SORCS2: variants seen among roughly 807,000 people sequenced by gnomAD.
The protein encoded by SORCS2 is VPS10 domain-containing receptor SorCS2.
A neutral mutation model predicts 141.6 loss-of-function variants in SORCS2; 100 were observed. That is an observed-to-expected ratio of 0.71 (90% confidence interval 0.60 to 0.83). SORCS2 has a LOEUF of 0.83. Ranked by LOEUF, SORCS2 falls within the 40% of genes least tolerant of loss-of-function variation. The probability of loss-of-function intolerance (pLI) is 0.00; values close to 1 mark genes in which losing one functional copy is unlikely to be tolerated. For missense variants in SORCS2, 1,646 were observed against 1,560.2 expected, an observed-to-expected ratio of 1.05 and a Z score of -0.93; for synonymous variants, 789 against 676.9, an observed-to-expected ratio of 1.17 and a Z score of -2.57.
At chr4:7,439,353 C>G (rs1362850226) in intron 2 of SORCS2, among the ~76,000 whole-genome samples, 1 of 152,202 alleles carries the variant, frequency 6.6e-6, no homozygotes, top group Non-Finnish European at 1.5e-5. Context: ...TTACCCCTTA[C>G]TGAACCCTAG....
intron 3 of SORCS2, among the ~76,000 whole-genome samples, chr4:7,579,615 A>G (rs757020060): frequency 9.9e-5 from 15 of 152,128 alleles, no homozygotes; most frequent in Non-Finnish European, 2.1e-4. Flanking sequence ...CAGGGCCAGT[A>G]AGACATGGAA....
chr4:7,719,926 C>G (rs1011781245), intron 18 of SORCS2, among the ~76,000 whole-genome samples: 3 of 152,132 alleles, frequency 2.0e-5, no homozygotes, highest in Admixed American at 2.0e-4. Flanking sequence ...TGGGGAGAGT[C>G]AACCCCCACC....
intron 5 of SORCS2, 132 bp from the exon 6 acceptor site, chr4:7,661,368 C>G (rs1478247583): frequency 7.0e-6 from 6 of 851,894 alleles, no homozygotes; most frequent in African/African-American, 6.8e-5. Context: ...GGTGGTGATG[C>G]CCTCCGGACC....
intron 2 of SORCS2, among the ~76,000 whole-genome samples, chr4:7,405,528 G>A (rs1216031517): frequency 6.6e-6 from 1 of 151,940 alleles, no homozygotes; most frequent in East Asian, 1.9e-4. Context: ...TTTCTAAGGA[G>A]GCGTTTGTAG....
intron 1 of SORCS2, among the ~76,000 whole-genome samples, chr4:7,298,079 G>C (rs116301233): frequency 0.022 from 3,371 of 152,364 alleles, 114 homozygotes; most frequent in African/African-American, 0.077. Flanking sequence ...TGCACAGCCA[G>C]TGTGTGCACT....
chr4:7,630,397 A>G (rs1385555075), intron 3 of SORCS2, among the ~76,000 whole-genome samples: 1 of 152,212 alleles, frequency 6.6e-6, no homozygotes, highest in Non-Finnish European at 1.5e-5. Flanking sequence ...GACCCCTCAT[A>G]TTTCTACAAC....
At chr4:7,514,174 C>T (rs1732835637) in intron 2 of SORCS2, among the ~76,000 whole-genome samples, 1 of 152,142 alleles carries the variant, frequency 6.6e-6, no homozygotes, top group African/African-American at 2.4e-5. Context: ...GGGGGCCACT[C>T]AGCAGGTCCA....
At chr4:7,304,038 C>T (rs148299533) in intron 1 of SORCS2, among the ~76,000 whole-genome samples, 2 of 152,368 alleles carry the variant, frequency 1.3e-5, no homozygotes, top group Non-Finnish European at 2.9e-5. Flanking sequence ...GATGGAAACC[C>T]GATGTGGAGT....
chr4:7,703,129 C>T (rs143239378), intron 12 of SORCS2, 151 bp from the exon 13 acceptor site: 7,929 of 599,500 alleles, frequency 0.013, 69 homozygotes, highest in Non-Finnish European at 0.018. Context: ...GGGGATGGCC[C>T]GGGACATGCA....
chr4:7,301,971 C>G (rs1235922985), intron 1 of SORCS2, among the ~76,000 whole-genome samples: 30 of 152,248 alleles, frequency 2.0e-4, no homozygotes, highest in Admixed American at 1.8e-3. Flanking sequence ...ATAAAAATCA[C>G]TGTCCCCTAC....
chr4:7,344,858 G>A (rs1461154034), intron 1 of SORCS2, among the ~76,000 whole-genome samples: 2 of 152,206 alleles, frequency 1.3e-5, no homozygotes, highest in East Asian at 3.8e-4. Context: ...ACACGGCTGG[G>A]AGTCTGCGTG....
chr4:7,519,005 C>T (rs960769801), intron 2 of SORCS2, among the ~76,000 whole-genome samples: 10 of 152,152 alleles, frequency 6.6e-5, no homozygotes, highest in Non-Finnish European at 1.0e-4. Flanking sequence ...CTGGCAGCCT[C>T]GGGCTTGCAG....
chr4:7,237,326 T>C (rs1046904496), intron 1 of SORCS2, among the ~76,000 whole-genome samples: 3 of 152,368 alleles, frequency 2.0e-5, no homozygotes, highest in Non-Finnish European at 4.4e-5. Context: ...AAAGGCTTTA[T>C]GCTCCTGGTG....
At chr4:7,721,750 A>G (rs1480142272) in intron 18 of SORCS2, among the ~76,000 whole-genome samples, 2 of 152,176 alleles carry the variant, frequency 1.3e-5, no homozygotes, top group East Asian at 3.9e-4. Flanking sequence ...TCTTTCCTGT[A>G]TCAGTGTTAA....
At chr4:7,241,876 C>A (rs1010704584) in intron 1 of SORCS2, among the ~76,000 whole-genome samples, 1 of 152,186 alleles carries the variant, frequency 6.6e-6, no homozygotes, top group Non-Finnish European at 1.5e-5. Context: ...ATGCTTGCTC[C>A]GCAGGCTGTT....
chr4:7,629,622 G>A (rs1343121677), intron 3 of SORCS2, among the ~76,000 whole-genome samples: 1 of 149,946 alleles, frequency 6.7e-6, no homozygotes, highest in Non-Finnish European at 1.5e-5. Context: ...TCCTAGGCCA[G>A]TTCTTTTTCC....
chr4:7,623,803 A>G (rs990244824), intron 3 of SORCS2, among the ~76,000 whole-genome samples: 1 of 152,180 alleles, frequency 6.6e-6, no homozygotes, highest in Non-Finnish European at 1.5e-5. Flanking sequence ...TGTGTGCTCC[A>G]TGGAGCCAAA....
chr4:7,634,445 A>G (rs1292004777), intron 3 of SORCS2, among the ~76,000 whole-genome samples: 1 of 152,162 alleles, frequency 6.6e-6, no homozygotes, highest in Non-Finnish European at 1.5e-5. Context: ...GCCCAGCTAA[A>G]AGGGCTCCCT....
At chr4:7,713,950 G>A (rs1422495487) in intron 15 of SORCS2, among the ~76,000 whole-genome samples, 1 of 152,226 alleles carries the variant, frequency 6.6e-6, no homozygotes, top group Non-Finnish European at 1.5e-5. Flanking sequence ...CAGCAGCTGA[G>A]GGGACGAGGG....
Sources: gnomAD v4.1 joint callset for allele counts (sites outside exome capture counted in the v4.1 genomes callset) on GRCh38, gnomAD v4.1.1 for gene constraint, MANE v1.5 for transcripts, NCBI Gene and HGNC (gene_info 2026-07-23, HGNC 2026-07-21) for gene names.